The following JPH2 variants were observed in gnomAD, a reference collection of about 807,000 sequenced individuals.
JPH2 encodes the protein junctophilin-2.
A neutral mutation model predicts 55.9 loss-of-function variants in JPH2; 38 were observed. The ratio of observed to expected loss-of-function variants is 0.68; its 90% CI spans 0.52 to 0.89. JPH2 has a LOEUF of 0.89. Ranked by LOEUF, JPH2 falls within the 40% of genes least tolerant of loss-of-function variation. The pLI is 0.00. For missense variants in JPH2, 964 were observed against 1,037.6 expected, an observed-to-expected ratio of 0.93 and a Z score of 0.97; for synonymous variants, 480 against 472.4, an observed-to-expected ratio of 1.02 and a Z score of -0.21.
chr20:44,127,610 C>T (rs1387784872), intron 2 of JPH2, among the ~76,000 whole-genome samples: 2 of 151,944 alleles, frequency 1.3e-5, no homozygotes, highest in East Asian at 1.9e-4. Flanking sequence ...CTCAGCCTCC[C>T]GAGTACCTGG....
Position 44,118,555 on chromosome 20 carries a change from T to C in JPH2, c.1238A>G (p.Asn413Ser), listed in dbSNP as rs778937072. Residue 413 changes from asparagine (N) to serine (S), a missense_variant, in exon 3 of 6, where the codon AAC becomes AGC. Coordinates refer to ENST00000372980, the MANE Select transcript of JPH2 (RefSeq NM_020433.5). ...CTCCCTGGCCAAAGTGCGAGCAATG[T>C]TGGACTCCTGGTTGGCAGCCAGGGC... Reference protein sequence around the residue: ...QAALAANQESNIARTLARELA... With the variant: ...QAALAANQESSIARTLARELA... 9.9e-6 allele frequency: 16 copies of C among 1,613,252 alleles called. No homozygotes were observed. The highest frequency in any genetic ancestry group is 1.3e-5 in the Non-Finnish European group (15 of 1,180,042).
intron 2 of JPH2, among the ~76,000 whole-genome samples, chr20:44,142,574 C>T (rs1308072158): frequency 1.6e-4 from 24 of 152,200 alleles, no homozygotes; most frequent in Admixed American, 1.5e-3. Context: ...CTTTCAGCTC[C>T]GTGTCTCTGC....
In JPH2 at chr20:44,115,779, C is replaced by G. The variant is rs367563723; in HGVS notation, c.1896G>C (p.Glu632Asp). ...LEPKPIIPKA[E>D]PRAKARKTEA... ...CAGTCTTGCGGGCCTTGGCCCTGGGCTCGGCTTTGGGGATGATGGGCTTGG... is the reference window on the plus strand; with the variant it reads ...CAGTCTTGCGGGCCTTGGCCCTGGGGTCGGCTTTGGGGATGATGGGCTTGG... Residue 632 changes from glutamate to aspartate, a missense_variant, in exon 4 of 6, where the codon GAG (glutamate) becomes GAC (aspartate). Physicochemically the swap from Glu to Asp is conservative, Grantham distance 45. Transcript: ENST00000372980. 108 of 1,611,010 alleles carry G rather than the reference C, an allele frequency of 6.7e-5. No individual in the cohort carries two copies. The highest frequency in any genetic ancestry group is 8.6e-5 in the Non-Finnish European group (101 of 1,179,916).
At chr20:44,162,745 CATATATATATATATATATAT>C (rs1157323951) in intron 1 of JPH2, among the ~76,000 whole-genome samples, 8 of 52,472 alleles carry the variant, frequency 1.5e-4, no homozygotes, top group African/African-American at 2.6e-4. Context: ...AATAAACTTC[CATATATATATATATATATAT>C]ATATATATAT....
intron 2 of JPH2, among the ~76,000 whole-genome samples, chr20:44,122,700 GAA>G (rs1325261713): frequency 1.3e-5 from 2 of 152,166 alleles, no homozygotes; most frequent in African/African-American, 4.8e-5. Context: ...GGCAACGCGT[GAA>G]AGTGTTTGGT....
intron 2 of JPH2, among the ~76,000 whole-genome samples, chr20:44,129,594 T>TTCC (rs901211444): frequency 1.1e-4 from 16 of 150,586 alleles, no homozygotes; most frequent in African/African-American, 3.9e-4. Context: ...CCATTGCTGC[T>TTCC]TCCTGAGAGC....
intron 1 of JPH2, among the ~76,000 whole-genome samples, chr20:44,170,809 T>C (rs888994351): frequency 6.6e-6 from 1 of 152,220 alleles, no homozygotes; most frequent in African/African-American, 2.4e-5. Context: ...AATGAATAGA[T>C]AAGAAAGTAT....
intron 1 of JPH2, chr20:44,177,946 T>C: frequency 1.5e-6 from 2 of 1,328,998 alleles, no homozygotes; most frequent in Non-Finnish European, 2.2e-6. Context: ...GTCTCGACCA[T>C]ATTCTGAGGG....
intron 2 of JPH2, among the ~76,000 whole-genome samples, chr20:44,120,069 C>A (rs2072224366): frequency 6.6e-6 from 1 of 152,000 alleles, no homozygotes; most frequent in African/African-American, 2.4e-5. Context: ...CTCAGCTCAT[C>A]TCCTTCCCTA....
intron 1 of JPH2, among the ~76,000 whole-genome samples, chr20:44,175,543 G>A (rs1418874742): frequency 6.6e-6 from 1 of 152,200 alleles, no homozygotes; most frequent in Non-Finnish European, 1.5e-5. Context: ...TGGTTTCCTG[G>A]GATCACCAAC....
intron 2 of JPH2, among the ~76,000 whole-genome samples, chr20:44,151,789 C>G (rs970835987): frequency 6.6e-6 from 1 of 152,204 alleles, no homozygotes. Flanking sequence ...CCTTCTCGGC[C>G]TCATCTCTAA....
chr20:44,132,519 C>T (rs2072329253), intron 2 of JPH2, among the ~76,000 whole-genome samples: 1 of 151,748 alleles, frequency 6.6e-6, no homozygotes. Context: ...AGCTCCCTTG[C>T]TCACTGGCTT....
chr20:44,144,245 G>A lies in JPH2; in HGVS notation c.1169+15373C>T, dbSNP rs143388973. 4.1e-3 allele frequency among the ~76,000 whole-genome samples: 626 copies of A among 152,222 alleles called. 13 individuals carry two copies. Among genetic ancestry groups the A allele is most frequent in the East Asian group, 0.03 (156 of 5,174 alleles). ...CTTTGGAAACCCAGAGGAGAGAAGC[G>A]GCATTTGGGGAAGGATGAAGCTTAA... On this transcript the variant is annotated intron_variant, in intron 2 of 5. Transcript: ENST00000372980.
rs1429757505 is a variant in JPH2, at chr20:44,115,974, G to C, written c.1701C>G (p.His567Gln). ...GCGGCGTGGTGCGCACAGCATAGCT[G>C]TGGTAGCCCTGGTAAAGCGCCACCT... is the stretch of plus-strand genomic sequence containing the variant. ...EPEVALYQGY[H>Q]SYAVRTTPPE... The change falls in exon 4 of 6, where the codon CAC (histidine) becomes CAG (glutamine). Residue 567 changes from histidine (H) to glutamine (Q), a missense_variant. Physicochemically the swap from His to Gln is conservative, Grantham distance 24 (BLOSUM62 0). Coordinates refer to ENST00000372980, the MANE Select transcript of JPH2 (RefSeq NM_020433.5). 5.7e-6 allele frequency: 9 copies of C among 1,577,384 alleles called. No individual in the cohort carries two copies. Among genetic ancestry groups the C allele is most frequent in the Non-Finnish European group, 7.7e-6 (9 of 1,169,432 alleles).
chr20:44,181,483 G>A (rs2072783025), intron 1 of JPH2, among the ~76,000 whole-genome samples: 1 of 152,134 alleles, frequency 6.6e-6, no homozygotes, highest in East Asian at 1.9e-4. Context: ...GAAAAATGCA[G>A]GTCGTGACCC....
intron 1 of JPH2, among the ~76,000 whole-genome samples, chr20:44,179,460 T>C (rs985035506): frequency 6.6e-6 from 1 of 152,178 alleles, no homozygotes; most frequent in Non-Finnish European, 1.5e-5. Context: ...AGTGATACAG[T>C]GCCCATAAGA....
At chr20:44,161,574 G>A (rs912726085) in intron 1 of JPH2, among the ~76,000 whole-genome samples, 1 of 151,944 alleles carries the variant, frequency 6.6e-6, no homozygotes, top group Admixed American at 6.5e-5. Flanking sequence ...GGTAATAACT[G>A]CCTCTTACCT....
At chr20:44,131,930 T>C (rs902812046) in intron 2 of JPH2, among the ~76,000 whole-genome samples, 2 of 152,156 alleles carry the variant, frequency 1.3e-5, no homozygotes, top group Non-Finnish European at 2.9e-5. Flanking sequence ...CAGGAAAGCT[T>C]ACCCTAACTG....
At chr20:44,158,789 G>C (rs1258587343) in intron 2 of JPH2, among the ~76,000 whole-genome samples, 1 of 152,134 alleles carries the variant, frequency 6.6e-6, no homozygotes, top group Non-Finnish European at 1.5e-5. Flanking sequence ...GCGGGTGGGT[G>C]GGAGTGGATG....
Sources: gnomAD v4.1 joint callset for allele counts (sites outside exome capture counted in the v4.1 genomes callset) on GRCh38, gnomAD v4.1.1 for gene constraint, MANE v1.5 for transcripts, NCBI Gene and HGNC (gene_info 2026-07-23, HGNC 2026-07-21) for gene names.